The following STXBP5L variants were observed in gnomAD, a reference collection of about 807,000 sequenced individuals.
STXBP5L encodes the protein syntaxin-binding protein 5-like.
A neutral mutation model predicts 144.5 loss-of-function variants in STXBP5L; 65 were observed. The observed-to-expected ratio is 0.45, with a 90% CI of 0.37 to 0.55. STXBP5L has a LOEUF of 0.55. Among genes scored for constraint, STXBP5L ranks in the 20% least tolerant of loss-of-function variants. The pLI is 0.00. For synonymous variants in STXBP5L, 505 were observed against 469.6 expected (o/e 1.08, Z -0.97); for missense variants, 1,298 against 1,405.5 (o/e 0.92, Z 1.22).
intron 18 of STXBP5L, among the ~76,000 whole-genome samples, chr3:121,274,646 A>G (rs1190697906): frequency 6.6e-6 from 1 of 152,242 alleles, no homozygotes; most frequent in Non-Finnish European, 1.5e-5. Context: ...TCAGAGGCAC[A>G]TGTAACTGAG....
chr3:121,077,632 G>T (rs550025634), intron 5 of STXBP5L, among the ~76,000 whole-genome samples: 5 of 152,214 alleles, frequency 3.3e-5, no homozygotes, highest in African/African-American at 1.2e-4. Context: ...TCTCTTAACT[G>T]GCCCCACCCA....
Position 120,978,993 on chromosome 3 carries a change from G to T in STXBP5L, c.287+23956G>T, listed in dbSNP as rs569922281. Among the ~76,000 whole-genome samples the T allele has an allele frequency of 3.9e-5, 6 of 152,270 alleles. No homozygotes were observed. In the East Asian group the frequency reaches 7.7e-4, roughly 20 times the overall value. On this transcript the variant is annotated intron_variant, in intron 3 of 26. Coordinates refer to ENST00000471454, the MANE Select transcript of STXBP5L (RefSeq NM_001308330.2). Reference sequence around the variant, plus strand: ...CCCAGTTATGCTGCTTGGGGGTCAGGGGTCAGGGACCCACTTGAGGAGGCA... The same window carrying T: ...CCCAGTTATGCTGCTTGGGGGTCAGTGGTCAGGGACCCACTTGAGGAGGCA...
chr3:121,305,868 A>G (rs866343042), intron 19 of STXBP5L, among the ~76,000 whole-genome samples: 1 of 152,208 alleles, frequency 6.6e-6, no homozygotes. Flanking sequence ...TGCCAATGGT[A>G]TGATGGTGTA....
chr3:121,091,488 A>G (rs891007463), intron 5 of STXBP5L, among the ~76,000 whole-genome samples: 2 of 152,046 alleles, frequency 1.3e-5, no homozygotes, highest in Non-Finnish European at 2.9e-5. Context: ...GTGTGAGATG[A>G]TATCTCATTG....
At chr3:121,285,598 A>C (rs1471114282) in intron 19 of STXBP5L, among the ~76,000 whole-genome samples, 1 of 152,110 alleles carries the variant, frequency 6.6e-6, no homozygotes, top group Non-Finnish European at 1.5e-5. Flanking sequence ...GAATAATAAA[A>C]TTTTGTAGTT....
At chr3:121,418,837 T>C (rs914044834) in intron 26 of STXBP5L, among the ~76,000 whole-genome samples, 2 of 152,204 alleles carry the variant, frequency 1.3e-5, no homozygotes, top group African/African-American at 4.8e-5. Context: ...CTCCATTTTG[T>C]CTCAGTCATG....
chr3:121,034,506 A>G (rs533912756), intron 3 of STXBP5L, among the ~76,000 whole-genome samples: 92 of 152,134 alleles, frequency 6.0e-4, no homozygotes, highest in Non-Finnish European at 1.2e-3. Flanking sequence ...ATCTCTCTAT[A>G]TAGCTGTACC....
At chr3:120,981,689 G>T (rs1941788295) in intron 3 of STXBP5L, among the ~76,000 whole-genome samples, 1 of 152,080 alleles carries the variant, frequency 6.6e-6, no homozygotes, top group Non-Finnish European at 1.5e-5. Context: ...TTTTCATTTT[G>T]AATAAGATCC....
intron 20 of STXBP5L, among the ~76,000 whole-genome samples, chr3:121,333,729 G>A (rs1340633076): frequency 5.9e-5 from 9 of 152,110 alleles, no homozygotes; most frequent in Non-Finnish European, 4.4e-5. Flanking sequence ...GTAACCAGCA[G>A]GGACTACTAT....
At chr3:120,952,601 G>C (rs1711341814) in intron 2 of STXBP5L, among the ~76,000 whole-genome samples, 1 of 151,884 alleles carries the variant, frequency 6.6e-6, no homozygotes, top group Non-Finnish European at 1.5e-5. Context: ...TTTGCAACAT[G>C]GTGAATCAAG....
intron 3 of STXBP5L, among the ~76,000 whole-genome samples, chr3:121,026,112 C>T (rs1945923770): frequency 6.7e-6 from 1 of 150,146 alleles, no homozygotes. Context: ...AGTGACTTTT[C>T]ATTACATCTA....
At chr3:120,989,863 CA>C in intron 3 of STXBP5L, among the ~76,000 whole-genome samples, 1 of 152,078 alleles carries the variant, frequency 6.6e-6, no homozygotes, top group East Asian at 1.9e-4. Flanking sequence ...ACTGAATGGG[CA>C]AAAACTTGAA....
At chr3:121,394,750 G>A (rs1263730768) in intron 22 of STXBP5L, among the ~76,000 whole-genome samples, 3 of 151,694 alleles carry the variant, frequency 2.0e-5, no homozygotes, top group Non-Finnish European at 2.9e-5. Flanking sequence ...GACTACAGGC[G>A]CCCGCCACCA....
Position 121,074,107 on chromosome 3 carries a change from G to T in STXBP5L, c.470+28572G>T, listed in dbSNP as rs1262885380. Among the ~76,000 whole-genome samples the T allele has an allele frequency of 2.0e-5, 3 of 152,272 alleles. No homozygotes were observed. The East Asian group carries it at 5.8e-4, about 29-fold the overall frequency. ...GCACAAAAGCCTTCAGGTCTGTCTA[G>T]TGCTTCCTCAAAAATGATTGGGGGG... is the stretch of plus-strand genomic sequence containing the variant. On this transcript the variant is annotated intron_variant, in intron 5 of 26. Coordinates refer to ENST00000471454, the MANE Select transcript of STXBP5L (RefSeq NM_001308330.2).
intron 20 of STXBP5L, among the ~76,000 whole-genome samples, chr3:121,366,442 A>G: frequency 6.6e-6 from 1 of 151,934 alleles, no homozygotes. Flanking sequence ...AGGCTTAAAT[A>G]TTTATAATTG....
chr3:121,335,301 CAG>C (rs2044467278), intron 20 of STXBP5L, among the ~76,000 whole-genome samples: 1 of 151,942 alleles, frequency 6.6e-6, no homozygotes. Flanking sequence ...TTAAAGAAAA[CAG>C]AGATGACACA....
At chr3:120,954,745 A>G (rs1576478522) in intron 2 of STXBP5L, among the ~76,000 whole-genome samples, 195 bp from the exon 3 acceptor site, 1 of 152,234 alleles carries the variant, frequency 6.6e-6, no homozygotes, top group Admixed American at 6.5e-5. Flanking sequence ...TATTTTAAAA[A>G]AGTGTTTGTA....
intron 3 of STXBP5L, among the ~76,000 whole-genome samples, chr3:120,957,079 T>C (rs1195677703): frequency 6.6e-6 from 1 of 151,994 alleles, no homozygotes; most frequent in East Asian, 1.9e-4. Context: ...GACAAGACTG[T>C]CTTATCCATT....
At chr3:121,099,236 A>T (rs969770373) in intron 5 of STXBP5L, 1 of 152,192 alleles carries the variant, frequency 6.6e-6, no homozygotes, top group Admixed American at 6.5e-5. Context: ...GGGTTCAGTG[A>T]ACTTTTATGA....
Sources: allele counts gnomAD v4.1 joint callset (sites outside exome capture counted in the v4.1 genomes callset), GRCh38; gene constraint gnomAD v4.1.1; transcripts MANE v1.5; gene names NCBI Gene and HGNC (gene_info 2026-07-23, HGNC 2026-07-21).